Variants in ZNF346 observed in about 807,000 individuals in gnomAD.
The protein encoded by ZNF346 is double-stranded RNA-binding zinc finger protein JAZ.
ZNF346 carries 23 observed loss-of-function variants against 33.7 expected under a neutral mutation model. The observed-to-expected ratio is 0.68, with a 90% CI of 0.49 to 0.97. ZNF346 has a LOEUF of 0.97. Among genes scored for constraint, ZNF346 ranks in the 50% least tolerant of loss-of-function variants. ZNF346 has a pLI of 0.00. For synonymous variants in ZNF346, 134 were observed against 142.4 expected (o/e 0.94, Z 0.42); for missense variants, 340 against 371.1 (o/e 0.92, Z 0.69).
chr5:177,036,268 G>A (rs1285459998), intron 1 of ZNF346, among the ~76,000 whole-genome samples: 1 of 152,148 alleles, frequency 6.6e-6, no homozygotes, highest in African/African-American at 2.4e-5. Flanking sequence ...CAGCTTGGTG[G>A]CCTCAGAGCA....
chr5:177,025,432 T>C (rs1035920739), intron 1 of ZNF346, among the ~76,000 whole-genome samples: 5 of 152,212 alleles, frequency 3.3e-5, no homozygotes, highest in African/African-American at 1.2e-4. Flanking sequence ...AAGAGTGGAA[T>C]TGCTGGGTCA....
At chr5:177,039,898 T>G (rs992300495) in intron 1 of ZNF346, among the ~76,000 whole-genome samples, 1 of 150,176 alleles carries the variant, frequency 6.7e-6, no homozygotes, top group African/African-American at 2.4e-5. Flanking sequence ...ACTCATGCCT[T>G]GGCCGGGCGC....
chr5:177,069,801 A>G (rs769688851), downstream of ZNF346, among the ~76,000 whole-genome samples: 3 of 152,188 alleles, frequency 2.0e-5, no homozygotes, highest in Admixed American at 6.5e-5. Flanking sequence ...AGCTGGGACT[A>G]CAGGCACATG....
chr5:177,049,094 G>T (rs79418232), intron 4 of ZNF346, among the ~76,000 whole-genome samples: 3,300 of 152,068 alleles, frequency 0.022, 130 homozygotes, highest in African/African-American at 0.076. Context: ...CCTGTAACTT[G>T]CTTTTTTTAC....
downstream of ZNF346, among the ~76,000 whole-genome samples, chr5:177,071,588 G>A (rs1376063971): frequency 6.6e-6 from 1 of 151,358 alleles, no homozygotes; most frequent in Non-Finnish European, 1.5e-5. Flanking sequence ...GGGAGGCTGA[G>A]GCAGGAGAAT....
chr5:177,027,316 T>C (rs1776933833), intron 1 of ZNF346, among the ~76,000 whole-genome samples: 1 of 152,154 alleles, frequency 6.6e-6, no homozygotes, highest in African/African-American at 2.4e-5. Context: ...CCCAAAGTGC[T>C]GGGATTACAG....
intron 4 of ZNF346, 85 bp from the exon 5 acceptor site, chr5:177,050,666 T>C (rs1477113935): frequency 6.6e-7 from 1 of 1,516,340 alleles, no homozygotes; most frequent in Admixed American, 1.7e-5. Context: ...ACCTTCTGGG[T>C]TTTTTCATTG....
At chr5:177,063,467 G>A (rs950637623) in intron 6 of ZNF346, among the ~76,000 whole-genome samples, 1 of 152,072 alleles carries the variant, frequency 6.6e-6, no homozygotes, top group Admixed American at 6.6e-5. Flanking sequence ...TACTTTGGGG[G>A]ACTCTTAGGT....
chr5:177,028,095 G>A (rs1442699858), intron 1 of ZNF346, among the ~76,000 whole-genome samples: 1 of 117,704 alleles, frequency 8.5e-6, no homozygotes, highest in Non-Finnish European at 1.6e-5. Context: ...TGCCAGGCTG[G>A]AGTGCAGTAA....
intron 1 of ZNF346, among the ~76,000 whole-genome samples, chr5:177,028,667 G>A (rs886315196): frequency 7.6e-5 from 11 of 144,604 alleles, no homozygotes; most frequent in Non-Finnish European, 1.5e-4. Context: ...GAGCAAGAAA[G>A]GTGAAAAACA....
rs1025985258 is a variant in ZNF346 at position 177,077,337 on chromosome 5, G to A, written c.*3-2045G>A. ...AGGAAGGGTGTTCTACTGAGAAGGA[G>A]CCTTTTATTTATAAAGGGTTTAAGA... On this transcript the variant is annotated intron_variant, in intron 8 of 8. Transcript: ENST00000503039. The surrounding 1 kb of genome is among the most constrained non-coding windows in gnomAD (Gnocchi z 5.0). Among the ~76,000 whole-genome samples, 12 of 152,204 alleles carry A rather than the reference G, an allele frequency of 7.9e-5. No homozygotes were observed. Among genetic ancestry groups the A allele is most frequent in the Non-Finnish European group, 1.6e-4 (11 of 68,032 alleles).
rs1561994792 is a variant in ZNF346 at position 177,044,388 on chromosome 5, G to T, written c.373-1G>T. On this transcript the variant is annotated splice_acceptor_variant, in intron 3 of 6. Coordinates refer to ENST00000358149, the MANE Select transcript of ZNF346 (RefSeq NM_012279.4). LOFTEE classifies it high-confidence loss of function. ...AGACCTGTGTTCTTTCTTCCAACCA[G>T]AAGAGCAGCAGAAGCAAAGACAAGA... The T allele has an allele frequency of 6.2e-7, 1 of 1,614,096 alleles. No homozygotes were observed.
At chr5:177,069,273 A>G (rs1463957758), downstream of ZNF346, among the ~76,000 whole-genome samples, 4 of 151,158 alleles carry the variant, frequency 2.6e-5, no homozygotes, top group Admixed American at 1.3e-4. Context: ...CCTAGCCAAC[A>G]TGGTGAAACC....
intron 8 of ZNF346, among the ~76,000 whole-genome samples, chr5:177,073,828 A>AGGGGGGGGG (rs34734185): frequency 1.4e-5 from 1 of 69,104 alleles, no homozygotes; most frequent in Non-Finnish European, 3.8e-5. Flanking sequence ...CGGGCGGGGG[A>AGGGGGGGGG]GGGGGGGGGT....
intron 1 of ZNF346, among the ~76,000 whole-genome samples, chr5:177,027,881 G>C (rs1176184568): frequency 1.3e-5 from 2 of 150,944 alleles, no homozygotes; most frequent in Non-Finnish European, 1.5e-5. Flanking sequence ...GGCCTCTAGT[G>C]ATCCTCCTGC....
chr5:177,072,729 G>T (rs1294387151), downstream of ZNF346, among the ~76,000 whole-genome samples: 1 of 152,052 alleles, frequency 6.6e-6, no homozygotes, highest in East Asian at 1.9e-4. Context: ...CACGTCTGTA[G>T]TCCCAGCTAC....
intron 8 of ZNF346, among the ~76,000 whole-genome samples, chr5:177,076,397 C>G (rs1477684836): frequency 6.6e-6 from 1 of 152,198 alleles, no homozygotes; most frequent in Non-Finnish European, 1.5e-5. Flanking sequence ...CTTGTAAAAT[C>G]TAGTTTTAGC....
intron 8 of ZNF346, among the ~76,000 whole-genome samples, chr5:177,076,491 AGGT>A (rs1249158044): frequency 6.6e-6 from 1 of 152,148 alleles, no homozygotes. Context: ...ACCATCCCCC[AGGT>A]GATGGCTGAT....
chr5:177,079,099 C>G (rs1654424740), intron 8 of ZNF346, among the ~76,000 whole-genome samples: 1 of 151,852 alleles, frequency 6.6e-6, no homozygotes, highest in African/African-American at 2.4e-5. Flanking sequence ...GGTGAAGCTC[C>G]GTCTCTACTA....
Sources: gnomAD v4.1 joint callset for allele counts (sites outside exome capture counted in the v4.1 genomes callset) on GRCh38, gnomAD v4.1.1 for gene constraint, Gnocchi (gnomAD v3.1) non-coding constraint, MANE v1.5 for transcripts, NCBI Gene and HGNC (gene_info 2026-07-23, HGNC 2026-07-21) for gene names.